TRPC5: variants seen among roughly 807,000 people sequenced by gnomAD.
The protein encoded by TRPC5 is transient receptor potential cation channel subfamily C member 5, also known as short transient receptor potential channel 5.
A neutral mutation model predicts 56.5 loss-of-function variants in TRPC5; 9 were observed. The observed-to-expected ratio is 0.16, with a 90% CI of 0.10 to 0.28. TRPC5 has a LOEUF of 0.28. Ranked by LOEUF, TRPC5 falls within the 10% of genes least tolerant of loss-of-function variation. The pLI is 1.00. For synonymous variants in TRPC5, 282 were observed against 278.5 expected (o/e 1.01, Z -0.13); for missense variants, 469 against 748.9 (o/e 0.63, Z 4.36).
chrX:111,844,569 G>A (rs765432470), intron 6 of TRPC5, among the ~76,000 whole-genome samples: 8 of 106,193 alleles, frequency 7.5e-5, no homozygotes, highest in Middle Eastern at 4.7e-3. Flanking sequence ...GGGTTCAAGC[G>A]ATTCTCCTGC....
chrX:111,980,924 TAC>T (rs112411131), intron 1 of TRPC5, among the ~76,000 whole-genome samples: 18,421 of 101,545 alleles, frequency 0.18, 1,766 homozygotes, highest in African/African-American at 0.33. Flanking sequence ...TATATATATA[TAC>T]ACACACACAC....
chrX:112,035,992 T>C (rs1239672385), intron 1 of TRPC5, among the ~76,000 whole-genome samples: 2 of 110,433 alleles, frequency 1.8e-5, no homozygotes, highest in Non-Finnish European at 3.8e-5. Context: ...AGATTAGCTC[T>C]GTGTTGGGGC....
chrX:111,883,214 CTA>C (rs960935197), intron 3 of TRPC5, among the ~76,000 whole-genome samples: 8 of 112,389 alleles, frequency 7.1e-5, no homozygotes, highest in Non-Finnish European at 1.5e-4. Flanking sequence ...TTGCCCAAGT[CTA>C]GTTTTGGTCC....
chrX:111,804,867 C>T (rs1323597379), intron 7 of TRPC5, among the ~76,000 whole-genome samples: 1 of 111,793 alleles, frequency 8.9e-6, no homozygotes, highest in African/African-American at 3.3e-5. Context: ...ATTTCCCTGG[C>T]CAGAACTTCC....
intron 6 of TRPC5, 42 bp downstream of exon 6, chrX:111,847,072 A>C (rs762737195): frequency 4.2e-5 from 23 of 546,522 alleles, no homozygotes; most frequent in Non-Finnish European, 5.5e-5. Flanking sequence ...AAAAAATGGC[A>C]AAAAAAAAAA....
chrX:112,080,139 GCT>G (rs1363738501), intron 1 of TRPC5, among the ~76,000 whole-genome samples: 1 of 111,550 alleles, frequency 9.0e-6, no homozygotes, highest in Non-Finnish European at 1.9e-5. Flanking sequence ...TCCTCATTCT[GCT>G]CTCTCTCAGC....
chrX:111,834,048 C>T (rs1267996348), intron 7 of TRPC5, among the ~76,000 whole-genome samples: 1 of 111,108 alleles, frequency 9.0e-6, no homozygotes, highest in Non-Finnish European at 1.9e-5. Flanking sequence ...ACTCCTTTGC[C>T]AAAACTCAAT....
intron 3 of TRPC5, chrX:111,903,343 C>A (rs1247532891): frequency 8.9e-6 from 1 of 112,007 alleles, no homozygotes; most frequent in Non-Finnish European, 1.9e-5. Context: ...ACGGTGTTTT[C>A]AGGAGAGAGA....
At chrX:111,856,405 TGGCG>T (rs2148587460) in intron 3 of TRPC5, among the ~76,000 whole-genome samples, 1 of 108,486 alleles carries the variant, frequency 9.2e-6, no homozygotes, top group East Asian at 2.9e-4. Flanking sequence ...TGGGGCGTGT[TGGCG>T]TGTACCTTAA....
chrX:112,018,290 A>G (rs1291936406), intron 1 of TRPC5, among the ~76,000 whole-genome samples: 3 of 112,673 alleles, frequency 2.7e-5, no homozygotes, highest in African/African-American at 9.7e-5. Flanking sequence ...AAATAATTGA[A>G]TAAAGGAATT....
At chrX:112,073,941 C>T (rs1483218953) in intron 1 of TRPC5, among the ~76,000 whole-genome samples, 1 of 111,542 alleles carries the variant, frequency 9.0e-6, no homozygotes, top group Admixed American at 9.6e-5. Context: ...ATTTTATACC[C>T]CATCCTTTCC....
intron 1 of TRPC5, among the ~76,000 whole-genome samples, chrX:112,003,235 C>T (rs1329617909): frequency 8.1e-5 from 9 of 111,620 alleles, no homozygotes; most frequent in Admixed American, 1.9e-4. Context: ...ACAGAGTACA[C>T]AATTATAAAC....
intron 7 of TRPC5, among the ~76,000 whole-genome samples, chrX:111,813,322 C>T (rs773467575): frequency 8.9e-6 from 1 of 112,331 alleles, no homozygotes; most frequent in Non-Finnish European, 1.9e-5. Context: ...ATTGTCAGCT[C>T]CTGTAGAGCA....
At chrX:111,829,624 AG>A (rs1389380377) in intron 7 of TRPC5, among the ~76,000 whole-genome samples, 1 of 112,586 alleles carries the variant, frequency 8.9e-6, no homozygotes, top group Non-Finnish European at 1.9e-5. Context: ...CATGGCTAAA[AG>A]GTGCCCAGGT....
intron 7 of TRPC5, among the ~76,000 whole-genome samples, chrX:111,794,675 G>A (rs987858864): frequency 1.8e-5 from 2 of 111,608 alleles, no homozygotes; most frequent in Non-Finnish European, 3.8e-5. Flanking sequence ...TCAAGATCAA[G>A]GTGCCAGCAG....
chrX:111,918,292 C>A (rs1461392563), intron 2 of TRPC5, among the ~76,000 whole-genome samples: 1 of 111,439 alleles, frequency 9.0e-6, no homozygotes, highest in Non-Finnish European at 1.9e-5. Context: ...TCTAAAAATG[C>A]AGTTTTCTCA....
At chrX:111,992,825 A>G (rs888078402) in intron 1 of TRPC5, among the ~76,000 whole-genome samples, 3 of 107,855 alleles carry the variant, frequency 2.8e-5, no homozygotes, top group Non-Finnish European at 5.7e-5. Flanking sequence ...CTTGTCTCAA[A>G]CTCCTGACCT....
chrX:111,916,600 G>C (rs947633073), intron 2 of TRPC5, among the ~76,000 whole-genome samples: 2 of 111,920 alleles, frequency 1.8e-5, no homozygotes, highest in Non-Finnish European at 3.8e-5. Flanking sequence ...TCAGGACCAG[G>C]TGTAGGTGTA....
At chrX:111,910,477 C>A (rs1433315688) in intron 3 of TRPC5, among the ~76,000 whole-genome samples, 1 of 111,858 alleles carries the variant, frequency 8.9e-6, no homozygotes, top group Non-Finnish European at 1.9e-5. Context: ...CAGAATTAGA[C>A]CATATACCAC....
Sources: allele counts gnomAD v4.1 joint callset (sites outside exome capture counted in the v4.1 genomes callset), GRCh38; gene constraint gnomAD v4.1.1; transcripts MANE v1.5; gene names NCBI Gene and HGNC (gene_info 2026-07-23, HGNC 2026-07-21).